The following KCNIP4 variants were observed in gnomAD, a reference collection of about 807,000 sequenced individuals.
KCNIP4 encodes Kv channel-interacting protein 4.
Under a neutral mutation model 34.0 loss-of-function variants are expected in KCNIP4, and 12 were observed. That is an observed-to-expected ratio of 0.35 (90% CI 0.23 to 0.57). The LOEUF (loss-of-function observed/expected upper bound fraction) is 0.57, where lower values mean the gene tolerates loss of function less well. Among genes scored for constraint, KCNIP4 ranks in the 20% least tolerant of loss-of-function variants. KCNIP4 has a pLI of 0.83. For missense variants in KCNIP4, 238 were observed against 311.7 expected, an observed-to-expected ratio of 0.76 and a Z score of 1.78; for synonymous variants, 124 against 102.2, an observed-to-expected ratio of 1.21 and a Z score of -1.29.
At chr4:21,490,768 G>T (rs184090964) in intron 1 of KCNIP4, among the ~76,000 whole-genome samples, 2 of 152,290 alleles carry the variant, frequency 1.3e-5, no homozygotes, top group East Asian at 3.9e-4. Context: ...TGATGCAAAT[G>T]AAAGGAACTG....
intron 1 of KCNIP4, among the ~76,000 whole-genome samples, chr4:21,271,038 C>G (rs888229157): frequency 1.3e-5 from 2 of 150,912 alleles, no homozygotes; most frequent in African/African-American, 4.9e-5. Flanking sequence ...TATAAAAGCT[C>G]TATCCACTTA....
intron 1 of KCNIP4, among the ~76,000 whole-genome samples, chr4:21,511,952 T>C (rs1734347193): frequency 6.7e-6 from 1 of 149,930 alleles, no homozygotes; most frequent in Non-Finnish European, 1.5e-5. Context: ...AGACAGTCGA[T>C]ACAATTTTAA....
intron 1 of KCNIP4, among the ~76,000 whole-genome samples, chr4:21,222,174 C>A (rs1264725955): frequency 6.6e-6 from 1 of 152,084 alleles, no homozygotes; most frequent in East Asian, 1.9e-4. Context: ...AATAGGATAA[C>A]CCCAAAGAGA....
chr4:21,759,929 C>T (rs1717931624), intron 1 of KCNIP4, among the ~76,000 whole-genome samples: 1 of 151,966 alleles, frequency 6.6e-6, no homozygotes, highest in African/African-American at 2.4e-5. Flanking sequence ...TAGATTTCTG[C>T]TCTCAATGTC....
At chr4:21,061,604 C>G (rs1224106961) in intron 1 of KCNIP4, among the ~76,000 whole-genome samples, 1 of 151,980 alleles carries the variant, frequency 6.6e-6, no homozygotes, top group African/African-American at 2.4e-5. Context: ...AAGCTGGAAC[C>G]CTGCCTACCT....
At chr4:21,127,046 C>T (rs2109156152) in intron 1 of KCNIP4, among the ~76,000 whole-genome samples, 1 of 152,280 alleles carries the variant, frequency 6.6e-6, no homozygotes, top group South Asian at 2.1e-4. Context: ...TTGTTTTCAC[C>T]TCTGGACCTT....
intron 1 of KCNIP4, among the ~76,000 whole-genome samples, chr4:21,361,782 A>T (rs1719253187): frequency 6.6e-6 from 1 of 152,010 alleles, no homozygotes; most frequent in Non-Finnish European, 1.5e-5. Flanking sequence ...TAGAAAATTT[A>T]TAAAGTAACA....
intron 1 of KCNIP4, among the ~76,000 whole-genome samples, chr4:21,123,054 A>T (rs1230192923): frequency 1.2e-4 from 18 of 152,022 alleles, no homozygotes; most frequent in Non-Finnish European, 2.2e-4. Flanking sequence ...ACCAAAAAAA[A>T]ATACAAAAAA....
intron 1 of KCNIP4, among the ~76,000 whole-genome samples, chr4:21,122,046 A>G (rs1209010278): frequency 6.6e-6 from 1 of 152,196 alleles, no homozygotes; most frequent in Non-Finnish European, 1.5e-5. Context: ...ATTTTTGGGG[A>G]CAAAGTATTA....
At chr4:21,354,269 T>C (rs1410819489) in intron 1 of KCNIP4, among the ~76,000 whole-genome samples, 1 of 152,156 alleles carries the variant, frequency 6.6e-6, no homozygotes, top group African/African-American at 2.4e-5. Flanking sequence ...GATAACATCA[T>C]AATGACAGGA....
At chr4:21,109,724 G>C (rs1442424263) in intron 1 of KCNIP4, among the ~76,000 whole-genome samples, 2 of 152,158 alleles carry the variant, frequency 1.3e-5, no homozygotes, top group Admixed American at 6.5e-5. Flanking sequence ...GACCGGAGCT[G>C]TTCCTATTTG....
At chr4:21,567,680 C>G (rs1740019074) in intron 1 of KCNIP4, among the ~76,000 whole-genome samples, 1 of 152,070 alleles carries the variant, frequency 6.6e-6, no homozygotes, top group Non-Finnish European at 1.5e-5. Context: ...ATCTGAAATA[C>G]CACAGGATAG....
rs1426281823 is a variant in KCNIP4 at position 20,803,709 on chromosome 4, GA to G, written c.289-44820del. On this transcript the variant is annotated intron_variant, in intron 3 of 8. Coordinates refer to ENST00000382152, the MANE Select transcript of KCNIP4 (RefSeq NM_025221.6). ...AGAGGGAGAGAGAGAGAGAAAGAGA[GA>G]GAGAGAGAGAGAGAGAGAGGAAGGA... 5.4e-4 allele frequency among the ~76,000 whole-genome samples: 63 copies of G among 115,936 alleles called. 2 individuals are homozygous for G. The South Asian group carries it at 0.02, about 38-fold the overall frequency. The allele number at this position is 115,936 out of a possible 152,430, so 76.1% of individuals were successfully genotyped here.
At chr4:21,681,307 A>C (rs1750328099) in intron 1 of KCNIP4, among the ~76,000 whole-genome samples, 1 of 151,052 alleles carries the variant, frequency 6.6e-6, no homozygotes, top group Non-Finnish European at 1.5e-5. Flanking sequence ...AGGCCTCACT[A>C]TGTTGATCAG....
intron 1 of KCNIP4, among the ~76,000 whole-genome samples, chr4:21,648,030 C>T (rs988587734): frequency 2.6e-5 from 4 of 151,690 alleles, no homozygotes; most frequent in African/African-American, 9.7e-5. Flanking sequence ...CTCGCCACCA[C>T]GCCCAGCTAA....
At chr4:21,254,757 A>G (rs1373156417) in intron 1 of KCNIP4, among the ~76,000 whole-genome samples, 4 of 152,164 alleles carry the variant, frequency 2.6e-5, no homozygotes, top group Non-Finnish European at 5.9e-5. Context: ...GTTGCCCCCA[A>G]GAGTTCACAT....
intron 3 of KCNIP4, among the ~76,000 whole-genome samples, chr4:20,834,183 G>T (rs917562247): frequency 6.6e-6 from 1 of 152,208 alleles, no homozygotes; most frequent in African/African-American, 2.4e-5. Flanking sequence ...GTAAGAGTTG[G>T]GATTAGCAGA....
intron 1 of KCNIP4, among the ~76,000 whole-genome samples, chr4:21,528,792 A>G (rs200689772): frequency 0.031 from 628 of 20,112 alleles, 89 homozygotes; most frequent in East Asian, 0.047. Context: ...AGAAAGGAAG[A>G]AAGGAAGAAA....
intron 1 of KCNIP4, among the ~76,000 whole-genome samples, chr4:21,733,944 T>C (rs141784947): frequency 3.9e-5 from 6 of 152,324 alleles, no homozygotes; most frequent in African/African-American, 1.4e-4. Flanking sequence ...GACAGTATCA[T>C]TCAGGAAAAG....
Sources: allele counts gnomAD v4.1 joint callset (sites outside exome capture counted in the v4.1 genomes callset), GRCh38; gene constraint gnomAD v4.1.1; transcripts MANE v1.5; gene names NCBI Gene and HGNC (gene_info 2026-07-23, HGNC 2026-07-21).